The following CHL1 variants were observed in gnomAD, a reference collection of about 807,000 sequenced individuals.
The protein encoded by CHL1 is cell adhesion molecule L1 like, also known as neural cell adhesion molecule L1-like protein.
A neutral mutation model predicts 141.9 loss-of-function variants in CHL1; 96 were observed. That is an observed-to-expected ratio of 0.68 (90% CI 0.57 to 0.80). CHL1 has a LOEUF of 0.80. Among genes scored for constraint, CHL1 ranks in the 30% least tolerant of loss-of-function variants. The pLI, the probability that CHL1 is intolerant of heterozygous loss-of-function variation, is 0.00. For synonymous variants in CHL1, 613 were observed against 502.2 expected (o/e 1.22, Z -2.95); for missense variants, 1,820 against 1,457.2 (o/e 1.25, Z -4.05).
chr3:248,497 A>T (rs186563275), intron 2 of CHL1: 1 of 152,208 alleles, frequency 6.6e-6, no homozygotes, highest in East Asian at 1.9e-4. Flanking sequence ...ACTGATACAC[A>T]AACGACATAT....
At chr3:240,324 G>T (rs1248009047) in intron 1 of CHL1, among the ~76,000 whole-genome samples, 1 of 152,114 alleles carries the variant, frequency 6.6e-6, no homozygotes, top group Non-Finnish European at 1.5e-5. Flanking sequence ...ATGTAGTTTT[G>T]ATTTGCATTT....
At chr3:291,396 A>G (rs1459227471) in intron 2 of CHL1, among the ~76,000 whole-genome samples, 1 of 151,588 alleles carries the variant, frequency 6.6e-6, no homozygotes, top group Non-Finnish European at 1.5e-5. Context: ...TTTATTATAC[A>G]ATTTTTCTCA....
chr3:230,753 T>C (rs1254317917), intron 1 of CHL1, among the ~76,000 whole-genome samples: 1 of 152,224 alleles, frequency 6.6e-6, no homozygotes, highest in African/African-American at 2.4e-5. Context: ...TAGACTCTTA[T>C]ATTCTTATAG....
chr3:294,692 C>T (rs1254585495), intron 2 of CHL1, among the ~76,000 whole-genome samples: 1 of 84,628 alleles, frequency 1.2e-5, no homozygotes, highest in African/African-American at 1.5e-4. Context: ...CAGGCATGCC[C>T]ATAACAAAAA....
chr3:248,425 T>C (rs1419599187), intron 2 of CHL1: 1 of 152,116 alleles, frequency 6.6e-6, no homozygotes, highest in African/African-American at 2.4e-5. Flanking sequence ...TGTGATCATT[T>C]TGTAGGTTTT....
intron 2 of CHL1, among the ~76,000 whole-genome samples, chr3:316,292 G>A (rs572462158): frequency 4.6e-5 from 7 of 152,032 alleles, no homozygotes; most frequent in South Asian, 2.1e-4. Context: ...AAACCTTACC[G>A]AGGACTCTAG....
At chr3:294,671 TAGTAAC>T (rs1698018342) in intron 2 of CHL1, among the ~76,000 whole-genome samples, 1 of 145,446 alleles carries the variant, frequency 6.9e-6, no homozygotes, top group African/African-American at 2.7e-5. Context: ...ATTATTATAT[TAGTAAC>T]AGTACAGGCA....
intron 2 of CHL1, among the ~76,000 whole-genome samples, chr3:258,861 A>G (rs1031009055): frequency 6.7e-6 from 1 of 149,482 alleles, no homozygotes; most frequent in Non-Finnish European, 1.5e-5. Context: ...GTTATTAACT[A>G]AGTCCCCTTT....
At chr3:344,437 T>G in intron 8 of CHL1, 152 bp from the exon 9 acceptor site, 1 of 553,432 alleles carries the variant, frequency 1.8e-6, no homozygotes, top group African/African-American at 1.9e-5. Context: ...AGGAGTCTAT[T>G]TAAATGGAAA....
intron 3 of CHL1, among the ~76,000 whole-genome samples, chr3:322,062 C>G (rs1484205570): frequency 2.6e-5 from 4 of 152,044 alleles, no homozygotes; most frequent in African/African-American, 9.7e-5. Flanking sequence ...ACTGTGGCCA[C>G]TGTGTATCAT....
intron 14 of CHL1, chr3:363,626 G>A: frequency 2.9e-6 from 1 of 344,150 alleles, no homozygotes; most frequent in Non-Finnish European, 5.3e-6. Context: ...GTGACAGATG[G>A]CTGTCAATAT....
intron 1 of CHL1, among the ~76,000 whole-genome samples, chr3:205,742 A>T (rs1699377694): frequency 6.6e-6 from 1 of 152,248 alleles, no homozygotes; most frequent in Admixed American, 6.5e-5. Flanking sequence ...ACTTTGTGCT[A>T]GAGACAGGAA....
At chr3:373,248 C>T (rs1705873367) in intron 15 of CHL1, among the ~76,000 whole-genome samples, 1 of 152,232 alleles carries the variant, frequency 6.6e-6, no homozygotes, top group Admixed American at 6.5e-5. Context: ...CCACCCCTCC[C>T]CCTAGGGGCT....
chr3:342,210 C>G, intron 7 of CHL1, 128 bp downstream of exon 7: 2 of 698,240 alleles, frequency 2.9e-6, no homozygotes, highest in Non-Finnish European at 2.2e-6. Context: ...ACTCTGGAGA[C>G]TTCTTCCAGA....
intron 2 of CHL1, among the ~76,000 whole-genome samples, chr3:269,827 A>G (rs1695481846): frequency 6.6e-6 from 1 of 152,184 alleles, no homozygotes; most frequent in Non-Finnish European, 1.5e-5. Context: ...CACTCAGCCA[A>G]AACAGACCCA....
intron 2 of CHL1, among the ~76,000 whole-genome samples, chr3:277,909 C>T (rs1003481562): frequency 1.3e-5 from 2 of 152,208 alleles, no homozygotes; most frequent in Admixed American, 6.5e-5. Context: ...TTTACAGCTA[C>T]ATTTCACAGA....
chr3:395,689 G>A (rs988896166), intron 24 of CHL1, among the ~76,000 whole-genome samples: 1 of 151,982 alleles, frequency 6.6e-6, no homozygotes, highest in Non-Finnish European at 1.5e-5. Context: ...TATTTATCAT[G>A]TATTAAGTGT....
rs185037530 is a variant in CHL1, at chr3:290,555, A to T, written c.-94-29128A>T. Among the ~76,000 whole-genome samples the T allele has an allele frequency of 2.8e-3, 420 of 152,254 alleles. 1 individual carries two copies. Among genetic ancestry groups the T allele is most frequent in the Non-Finnish European group, 4.2e-3 (289 of 68,012 alleles). ...TTCTGTTTGCTTAATTGAATGACAAATTCTAATTAGTCATGCCTGACTAAC... is the reference window on the plus strand; with the variant it reads ...TTCTGTTTGCTTAATTGAATGACAATTTCTAATTAGTCATGCCTGACTAAC... On this transcript the variant is annotated intron_variant, in intron 2 of 27. Coordinates refer to ENST00000256509, the MANE Select transcript of CHL1 (RefSeq NM_006614.4).
intron 2 of CHL1, among the ~76,000 whole-genome samples, chr3:265,639 A>G (rs1161048799): frequency 4.0e-5 from 6 of 151,846 alleles, no homozygotes; most frequent in Non-Finnish European, 7.4e-5. Context: ...ATTCTATTCA[A>G]TGATCTGTGA....
Sources: allele counts gnomAD v4.1 joint callset (sites outside exome capture counted in the v4.1 genomes callset), GRCh38; gene constraint gnomAD v4.1.1; transcripts MANE v1.5; gene names NCBI Gene and HGNC (gene_info 2026-07-23, HGNC 2026-07-21).